Variants in LOC400499 observed in about 807,000 individuals in gnomAD.
chr16:11,383,071 C>CTTTTT, the LOC400499 span, among the ~76,000 whole-genome samples: 425 of 145,168 alleles, frequency 2.9e-3, 1 homozygote, highest in African/African-American at 1.0e-2. Flanking sequence ...GTGCCAGGGT[C>CTTTTT]TTTTTTTTTT....
At chr16:11,455,185 C>T in the LOC400499 span, among the ~76,000 whole-genome samples, 1 of 152,104 alleles carries the variant, frequency 6.6e-6, no homozygotes, top group African/African-American at 2.4e-5. Flanking sequence ...CTATGTAAGA[C>T]ATTTATAGTT....
the LOC400499 span, chr16:11,425,432 G>A: frequency 2.5e-6 from 1 of 399,250 alleles, no homozygotes; most frequent in Admixed American, 4.4e-5. Context: ...CACTGAGGGT[G>A]CCTGCAGAGA....
At chr16:11,444,552 G>C in the LOC400499 span, among the ~76,000 whole-genome samples, 27 of 152,318 alleles carry the variant, frequency 1.8e-4, no homozygotes, top group African/African-American at 6.5e-4. Context: ...AGTTATGAGT[G>C]AACAAGACCT....
At chr16:11,460,987 AG>A in the LOC400499 span, 3 of 1,535,376 alleles carry the variant, frequency 2.0e-6, no homozygotes, top group African/African-American at 4.1e-5. Context: ...CTGGATCCTC[AG>A]GGAGTTGGTC....
the LOC400499 span, among the ~76,000 whole-genome samples, chr16:11,476,131 G>C: frequency 1.6e-4 from 24 of 151,938 alleles, no homozygotes; most frequent in African/African-American, 5.6e-4. Flanking sequence ...ATGGAAAGAA[G>C]GCTGGTGGGA....
the LOC400499 span, chr16:11,380,887 GCACCT>G: frequency 6.5e-6 from 1 of 154,986 alleles, no homozygotes; most frequent in African/African-American, 2.4e-5. Flanking sequence ...TGGAGCCACA[GCACCT>G]CCTGTCTTGG....
chr16:11,502,259 G>A, the LOC400499 span: 4,861 of 397,992 alleles, frequency 0.012, 221 homozygotes, highest in African/African-American at 0.091. Flanking sequence ...TCCCCTGCCT[G>A]TAAGCACAAC....
At chr16:11,467,010 T>TA in the LOC400499 span, 1 of 152,440 alleles carries the variant, frequency 6.6e-6, no homozygotes, top group Non-Finnish European at 1.5e-5. Context: ...TGGAGTGCAG[T>TA]AGTATGAAAT....
At chr16:11,500,952 G>T in the LOC400499 span, 2 of 398,964 alleles carry the variant, frequency 5.0e-6, no homozygotes, top group East Asian at 7.1e-5. Flanking sequence ...GGAAGGCAGG[G>T]CATCCAACAG....
At chr16:11,514,494 C>T in the LOC400499 span, 3 of 399,468 alleles carry the variant, frequency 7.5e-6, no homozygotes, top group African/African-American at 4.1e-5. Context: ...CTCAGCACTC[C>T]GGCCCGGAAG....
At chr16:11,464,378 A>C in the LOC400499 span, among the ~76,000 whole-genome samples, 1 of 152,254 alleles carries the variant, frequency 6.6e-6, no homozygotes, top group African/African-American at 2.4e-5. Flanking sequence ...GCACATGAAC[A>C]GGGTGAACAC....
the LOC400499 span, chr16:11,456,916 A>G: frequency 1.3e-6 from 2 of 1,536,218 alleles, no homozygotes; most frequent in Non-Finnish European, 1.7e-6. Flanking sequence ...CCTGCCACAA[A>G]CAGCGGCCGC....
chr16:11,460,967 G>A, the LOC400499 span: 1 of 1,532,876 alleles, frequency 6.5e-7, no homozygotes, highest in Non-Finnish European at 8.7e-7. Flanking sequence ...GCCTTACCCA[G>A]GAGGCTGTAC....
chr16:11,452,205 G>GTTTTTTTTTTTTTTT, the LOC400499 span, among the ~76,000 whole-genome samples: 1 of 89,790 alleles, frequency 1.1e-5, no homozygotes, highest in African/African-American at 3.5e-5. Context: ...TTTTTTGTTT[G>GTTTTTTTTTTTTTTT]TTTTTTTTTT....
At chr16:11,392,071 T>G in the LOC400499 span, 3 of 399,552 alleles carry the variant, frequency 7.5e-6, no homozygotes, top group African/African-American at 2.1e-5. Flanking sequence ...CAGCCGGGCT[T>G]GCACCTGGGA....
chr16:11,384,829 G>C, the LOC400499 span: 1 of 1,223,626 alleles, frequency 8.2e-7, no homozygotes, highest in Non-Finnish European at 1.0e-6. Context: ...AAGCTTAAAG[G>C]GGTGCATCCC....
chr16:11,477,463 G>T, the LOC400499 span, among the ~76,000 whole-genome samples: 1 of 152,210 alleles, frequency 6.6e-6, no homozygotes, highest in Admixed American at 6.5e-5. Context: ...ATCTGTCAGT[G>T]GGAATAAGAA....
the LOC400499 span, among the ~76,000 whole-genome samples, chr16:11,484,625 T>A: frequency 6.6e-6 from 1 of 152,186 alleles, no homozygotes; most frequent in East Asian, 1.9e-4. Flanking sequence ...ATGGGTGTAT[T>A]GAGGTGGTGG....
chr16:11,403,933 G>A, the LOC400499 span, among the ~76,000 whole-genome samples: 20 of 152,170 alleles, frequency 1.3e-4, no homozygotes, highest in Non-Finnish European at 2.4e-4. Flanking sequence ...GAGCTGAGAC[G>A]CTGCATGACC....
Sources: allele counts gnomAD v4.1 joint callset (sites outside exome capture counted in the v4.1 genomes callset), GRCh38; gene constraint gnomAD v4.1.1; transcripts MANE v1.5.